Variants in NBPF4 observed in about 807,000 individuals in gnomAD.
NBPF4 encodes the protein NBPF family member NBPF4.
A neutral mutation model predicts 21.1 loss-of-function variants in NBPF4; 11 were observed. That is an observed-to-expected ratio of 0.52 (90% CI 0.33 to 0.86). NBPF4 has a LOEUF of 0.86. Ranked by LOEUF, NBPF4 falls within the 40% of genes least tolerant of loss-of-function variation. NBPF4 has a pLI of 0.03. For missense variants in NBPF4, 88 were observed against 265.3 expected (o/e 0.33, Z 4.64); for synonymous variants, 47 against 106.4 (o/e 0.44, Z 3.43).
chr1:108,244,943 T>TAA (rs1649792074), upstream of NBPF4, among the ~76,000 whole-genome samples: 1 of 37,458 alleles, frequency 2.7e-5, no homozygotes, highest in African/African-American at 9.4e-5. Flanking sequence ...TATATATATA[T>TAA]ATATACACAC....
upstream of NBPF4, among the ~76,000 whole-genome samples, chr1:108,245,536 G>GAGCA (rs1649821768): frequency 2.0e-5 from 1 of 50,526 alleles, no homozygotes; most frequent in Non-Finnish European, 3.5e-5. Context: ...GATGCATTTT[G>GAGCA]AGCACTGCCA....
the NBPF4 span, among the ~76,000 whole-genome samples, chr1:108,258,543 T>TG: frequency 6.0e-5 from 8 of 134,280 alleles, no homozygotes; most frequent in Non-Finnish European, 6.4e-5. Context: ...TTTCGGGGGG[T>TG]GGGGGTCCTG....
the NBPF4 span, among the ~76,000 whole-genome samples, chr1:108,268,185 C>CACACAT: frequency 7.2e-6 from 1 of 138,856 alleles, no homozygotes; most frequent in African/African-American, 2.6e-5. Context: ...GATAGACACA[C>CACACAT]ACACATTTAT....
the NBPF4 span, among the ~76,000 whole-genome samples, chr1:108,252,583 A>G: frequency 4.0e-4 from 39 of 97,920 alleles, 1 homozygote; most frequent in African/African-American, 1.5e-3. Flanking sequence ...TTTATTACCA[A>G]TTCAATTTAG....
chr1:108,241,776 A>G (rs1044250662), intron 3 of NBPF4, among the ~76,000 whole-genome samples: 1 of 91,494 alleles, frequency 1.1e-5, no homozygotes, highest in African/African-American at 3.4e-5. Context: ...CACCATTCTG[A>G]GTATCCTAAA....
chr1:108,248,084 C>A (rs538726464), upstream of NBPF4, among the ~76,000 whole-genome samples: 1 of 152,074 alleles, frequency 6.6e-6, no homozygotes, highest in East Asian at 1.9e-4. Context: ...TCTTTCATTT[C>A]CCCAATGAGA....
chr1:108,241,343 C>T (rs868065161), intron 3 of NBPF4, among the ~76,000 whole-genome samples, 179 bp from the exon 4 acceptor site: 1 of 106,612 alleles, frequency 9.4e-6, no homozygotes, highest in African/African-American at 3.0e-5. Flanking sequence ...TATATATACA[C>T]ACACACACAC....
At chr1:108,252,456 A>G in the NBPF4 span, among the ~76,000 whole-genome samples, 1 of 44,080 alleles carries the variant, frequency 2.3e-5, no homozygotes, top group Non-Finnish European at 4.0e-5. Context: ...GTTAGGGTAG[A>G]GTCCTTCCTC....
chr1:108,223,851 C>T (rs1362939577), intron 14 of NBPF4, 105 bp from the exon 15 acceptor site: 2 of 1,182,678 alleles, frequency 1.7e-6, no homozygotes, highest in African/African-American at 3.0e-5. Flanking sequence ...ACTGGGATCT[C>T]CTGCTGGGAG....
the NBPF4 span, among the ~76,000 whole-genome samples, chr1:108,257,770 T>TC: frequency 1.8e-5 from 2 of 109,918 alleles, no homozygotes; most frequent in South Asian, 7.0e-4. Context: ...TTCTTTTTTT[T>TC]TTTTTTTTTT....
At position 108,229,097 on chromosome 1, in the gene NBPF4, A is replaced by T. The variant is rs1649578041; in HGVS notation, c.1483T>A (p.Ser495Thr). 4 of 1,551,032 alleles carry T rather than the reference A, an allele frequency of 2.6e-6. No homozygotes were observed. Among genetic ancestry groups the T allele is most frequent in the Non-Finnish European group, 3.5e-6 (4 of 1,146,546 alleles). The change falls in exon 13 of 15, where the codon TCA becomes ACA. Residue 495 changes from serine to threonine, a missense_variant. Around this residue, in one of 4 missense-constraint regions of NBPF4, gnomAD observed 60 missense variants for 86.5 expected, o/e 0.69. Coordinates refer to ENST00000415641, the MANE Select transcript of NBPF4 (RefSeq NM_001143989.3). ...TWSGDLSHHQ[S>T]EVQVSQAQLE... is the part of the protein sequence containing the mutation. The stretch of plus-strand genomic sequence containing the variant: ...TGTGCCTGTGAAACTTGCACCTCTG[A>T]CTGGTGGTGGCTCAAGTCTCCACTC...
At chr1:108,228,865 C>G in intron 13 of NBPF4, 55 bp downstream of exon 13, 5 of 1,016,884 alleles carry the variant, frequency 4.9e-6, no homozygotes, top group Non-Finnish European at 7.5e-6. Flanking sequence ...CCCACAGCAC[C>G]GTCGTGACCA....
upstream of NBPF4, among the ~76,000 whole-genome samples, chr1:108,245,034 G>A (rs1197704001): frequency 3.7e-5 from 3 of 80,002 alleles, no homozygotes; most frequent in African/African-American, 1.4e-4. Context: ...TCATGGTCAC[G>A]GGTGGTTGGT....
the NBPF4 span, among the ~76,000 whole-genome samples, chr1:108,266,125 A>C: frequency 7.0e-6 from 1 of 143,412 alleles, no homozygotes; most frequent in Non-Finnish European, 1.5e-5. Context: ...CCTTCAAAAA[A>C]TCAACAAATC....
chr1:108,228,535 T>G (rs1649546243), intron 13 of NBPF4, among the ~76,000 whole-genome samples: 1 of 151,890 alleles, frequency 6.6e-6, no homozygotes, highest in African/African-American at 2.4e-5. Context: ...ACTTGCTAAG[T>G]GTAAATTTAG....
the NBPF4 span, among the ~76,000 whole-genome samples, chr1:108,258,548 G>C: frequency 4.3e-5 from 6 of 140,616 alleles, no homozygotes; most frequent in South Asian, 9.3e-4. Flanking sequence ...GGGGGTGGGG[G>C]TCCTGCGTAT....
At chr1:108,268,665 A>G in the NBPF4 span, among the ~76,000 whole-genome samples, 2 of 149,776 alleles carry the variant, frequency 1.3e-5, no homozygotes, top group Non-Finnish European at 3.0e-5. Context: ...TTGGGAATAT[A>G]ATATAAAGAT....
At chr1:108,266,175 A>C in the NBPF4 span, among the ~76,000 whole-genome samples, 2 of 146,740 alleles carry the variant, frequency 1.4e-5, no homozygotes, top group Admixed American at 6.8e-5. Flanking sequence ...AAGGCAATAA[A>C]ATAGACCACT....
chr1:108,267,273 C>T, the NBPF4 span, among the ~76,000 whole-genome samples: 2 of 149,178 alleles, frequency 1.3e-5, no homozygotes, highest in East Asian at 3.9e-4. Context: ...AGGATTGACC[C>T]TTTTATTATT....
Sources: gnomAD v4.1 joint callset for allele counts (sites outside exome capture counted in the v4.1 genomes callset) on GRCh38, gnomAD v4.1.1 for gene constraint, gnomAD v4.1.1 regional missense constraint, MANE v1.5 for transcripts, NCBI Gene and HGNC (gene_info 2026-07-23, HGNC 2026-07-21) for gene names.